Variants in SLC9A9 observed in about 807,000 individuals in gnomAD.
The protein encoded by SLC9A9 is sodium/hydrogen exchanger 9.
SLC9A9 carries 62 observed loss-of-function variants against 77.8 expected under a neutral mutation model. The ratio of observed to expected loss-of-function variants is 0.80; its 90% confidence interval spans 0.65 to 0.98. The LOEUF (loss-of-function observed/expected upper bound fraction) is 0.98, where lower values mean the gene tolerates loss of function less well. Among genes scored for constraint, SLC9A9 ranks in the 50% least tolerant of loss-of-function variants. SLC9A9 has a pLI of 0.00. For synonymous variants in SLC9A9, 320 were observed against 283.5 expected (o/e 1.13, Z -1.29); for missense variants, 775 against 774.9 (o/e 1.00, Z 0.00).
At chr3:143,399,790 C>T (rs182998584) in intron 12 of SLC9A9, among the ~76,000 whole-genome samples, 86 of 152,230 alleles carry the variant, frequency 5.6e-4, no homozygotes, top group African/African-American at 1.9e-3. Context: ...TTTCCTGACA[C>T]CACACTATCG....
intron 9 of SLC9A9, among the ~76,000 whole-genome samples, chr3:143,505,366 T>A (rs1373599715): frequency 6.6e-6 from 1 of 152,242 alleles, no homozygotes; most frequent in Non-Finnish European, 1.5e-5. Context: ...AGTAACATGA[T>A]AATGATTATA....
At chr3:143,844,583 G>T (rs1051321674) in intron 1 of SLC9A9, among the ~76,000 whole-genome samples, 4 of 152,172 alleles carry the variant, frequency 2.6e-5, no homozygotes, top group African/African-American at 9.7e-5. Flanking sequence ...TTAGGTGCAG[G>T]TCCACTAAAT....
At chr3:143,518,047 G>A (rs1455402364) in intron 9 of SLC9A9, 2 of 1,468,790 alleles carry the variant, frequency 1.4e-6, no homozygotes, top group Non-Finnish European at 1.9e-6. Flanking sequence ...CCTTCTTACT[G>A]TCAGGTTTTT....
At chr3:143,635,729 C>A (rs986104129) in intron 6 of SLC9A9, among the ~76,000 whole-genome samples, 1 of 152,128 alleles carries the variant, frequency 6.6e-6, no homozygotes, top group Non-Finnish European at 1.5e-5. Context: ...CTTAACTGTG[C>A]TCTAAACAGC....
At chr3:143,625,973 C>G (rs2038317205) in intron 6 of SLC9A9, among the ~76,000 whole-genome samples, 1 of 152,220 alleles carries the variant, frequency 6.6e-6, no homozygotes, top group African/African-American at 2.4e-5. Flanking sequence ...ACAGACACTT[C>G]TCAAAAGAAG....
At chr3:143,569,807 T>A (rs950699307) in intron 8 of SLC9A9, among the ~76,000 whole-genome samples, 2 of 146,974 alleles carry the variant, frequency 1.4e-5, no homozygotes, top group East Asian at 2.0e-4. Flanking sequence ...TCTTTTATTG[T>A]TTTTTTCTTT....
chr3:143,408,759 C>T (rs897016449), intron 12 of SLC9A9, among the ~76,000 whole-genome samples: 3 of 152,024 alleles, frequency 2.0e-5, no homozygotes, highest in Non-Finnish European at 4.4e-5. Flanking sequence ...AATGTTAGTA[C>T]ATAGAAGGAA....
At chr3:143,632,576 A>G (rs1401202979) in intron 6 of SLC9A9, among the ~76,000 whole-genome samples, 1 of 152,124 alleles carries the variant, frequency 6.6e-6, no homozygotes, top group Non-Finnish European at 1.5e-5. Context: ...TTCCACCCCA[A>G]CAATAAATTT....
intron 7 of SLC9A9, among the ~76,000 whole-genome samples, chr3:143,575,148 G>A (rs2037336722): frequency 1.3e-5 from 2 of 152,182 alleles, no homozygotes; most frequent in Non-Finnish European, 2.9e-5. Flanking sequence ...ACCTCTCTGA[G>A]CCTCATTTCT....
At chr3:143,780,395 T>C (rs759247439) in intron 4 of SLC9A9, among the ~76,000 whole-genome samples, 1 of 152,166 alleles carries the variant, frequency 6.6e-6, no homozygotes, top group Non-Finnish European at 1.5e-5. Context: ...ATCATAACCA[T>C]GGAGAAAATT....
At chr3:143,705,011 C>A (rs377358254) in intron 4 of SLC9A9, among the ~76,000 whole-genome samples, 17 of 30,190 alleles carry the variant, frequency 5.6e-4, no homozygotes, top group African/African-American at 3.2e-4. Context: ...ATCTATCTAT[C>A]TATCTATCTA....
At chr3:143,432,336 T>A (rs1362274788) in intron 12 of SLC9A9, among the ~76,000 whole-genome samples, 3 of 152,108 alleles carry the variant, frequency 2.0e-5, no homozygotes, top group African/African-American at 7.2e-5. Context: ...CCTGGAAAGG[T>A]TCTCAGTGCA....
At chr3:143,558,897 A>G (rs2037034801) in intron 8 of SLC9A9, among the ~76,000 whole-genome samples, 1 of 152,098 alleles carries the variant, frequency 6.6e-6, no homozygotes, top group Admixed American at 6.5e-5. Flanking sequence ...CTGTGTCCCC[A>G]CCCAAATCTA....
chr3:143,763,041 A>G (rs577318879), intron 4 of SLC9A9, among the ~76,000 whole-genome samples: 59 of 152,228 alleles, frequency 3.9e-4, no homozygotes, highest in African/African-American at 1.4e-3. Context: ...GAGGCGATGG[A>G]ACTATTGGCC....
intron 9 of SLC9A9, chr3:143,517,196 A>G: frequency 2.1e-6 from 3 of 1,400,516 alleles, no homozygotes; most frequent in African/African-American, 1.4e-5. Flanking sequence ...GTATTTTGAC[A>G]TACTTGCTGG....
At chr3:143,689,623 T>A (rs912031575) in intron 5 of SLC9A9, among the ~76,000 whole-genome samples, 23 of 152,020 alleles carry the variant, frequency 1.5e-4, no homozygotes, top group African/African-American at 5.3e-4. Flanking sequence ...TTGTCCAGGC[T>A]GGTCTTGAAC....
chr3:143,273,062 T>G (rs570835801), intron 14 of SLC9A9, among the ~76,000 whole-genome samples: 13 of 152,392 alleles, frequency 8.5e-5, no homozygotes, highest in Admixed American at 5.2e-4. Flanking sequence ...TGACATTGAT[T>G]GATCTTTTGT....
chr3:143,342,602 A>ACTTTGG (rs1319963649), intron 14 of SLC9A9, among the ~76,000 whole-genome samples: 1 of 152,234 alleles, frequency 6.6e-6, no homozygotes, highest in East Asian at 1.9e-4. Context: ...AAATAAAATA[A>ACTTTGG]CCTTCAAGGC....
chr3:143,725,430 T>C (rs1201867011), intron 4 of SLC9A9, among the ~76,000 whole-genome samples: 8 of 152,024 alleles, frequency 5.3e-5, no homozygotes, highest in Non-Finnish European at 1.2e-4. Context: ...TAAAGACACA[T>C]GCACACGTAT....
Sources: allele counts gnomAD v4.1 joint callset (sites outside exome capture counted in the v4.1 genomes callset), GRCh38; gene constraint gnomAD v4.1.1; transcripts MANE v1.5; gene names NCBI Gene and HGNC (gene_info 2026-07-23, HGNC 2026-07-21).